RAD21L1: variants seen among roughly 807,000 people sequenced by gnomAD.
RAD21L1 encodes double-strand-break repair protein rad21-like protein 1.
Under a neutral mutation model 69.0 loss-of-function variants are expected in RAD21L1, and 47 were observed. The ratio of observed to expected loss-of-function variants is 0.68; its 90% CI spans 0.54 to 0.87. RAD21L1 has a LOEUF of 0.87. Among genes scored for constraint, RAD21L1 ranks in the 40% least tolerant of loss-of-function variants. RAD21L1 has a pLI of 0.00. For synonymous variants in RAD21L1, 177 were observed against 205.8 expected (o/e 0.86, Z 1.20); for missense variants, 583 against 647.6 (o/e 0.90, Z 1.08).
At position 1,246,691 on chromosome 20, in the gene RAD21L1, A is replaced by G. The variant is rs1454379139; in HGVS notation, c.1401+386A>G. 1.3e-5 allele frequency among the ~76,000 whole-genome samples: 2 copies of G among 152,148 alleles called. No individual in the cohort carries two copies. Among genetic ancestry groups the G allele is most frequent in the Admixed American group, 6.6e-5 (1 of 15,266 alleles). ...TTGAAATTTTATCTTATTTACAAAA[A>G]ACTTGTGGGCAATTTTTCCTTTAAC... On this transcript the variant is annotated intron_variant, in intron 12 of 13. Transcript: ENST00000683101. This position sits in a 1 kb window ranked among gnomAD's most constrained non-coding sequence, Gnocchi z 4.6.
intron 5 of RAD21L1, among the ~76,000 whole-genome samples, chr20:1,236,099 T>G (rs913304672): frequency 6.6e-6 from 1 of 152,148 alleles, no homozygotes; most frequent in Admixed American, 6.5e-5. Context: ...TTCTGTCAGC[T>G]TCATACTAGT....
rs73890809 is a variant in RAD21L1 at position 1,253,716 on chromosome 20, T to G, written c.1480-553T>G. Among the ~76,000 whole-genome samples the G allele has an allele frequency of 8.3e-3, 1,257 of 152,360 alleles. 15 individuals are homozygous for G. Among genetic ancestry groups the G allele is most frequent in the African/African-American group, 0.028 (1,182 of 41,582 alleles). The stretch of plus-strand genomic sequence containing the variant: ...ATTAAAATACTTTATTGTACCTCAG[T>G]TATTTTCAGTAGGTACACAGATGTC... On this transcript the variant is annotated intron_variant, in intron 13 of 13. Transcript: ENST00000683101.
At chr20:1,227,882 G>A (rs1410084240) in intron 1 of RAD21L1, among the ~76,000 whole-genome samples, 2 of 152,024 alleles carry the variant, frequency 1.3e-5, no homozygotes, top group Non-Finnish European at 2.9e-5. Context: ...ACTTTTTGGA[G>A]TCCCGTGATT....
At chr20:1,228,807 T>C (rs1166613558) in intron 2 of RAD21L1, among the ~76,000 whole-genome samples, 4 of 152,240 alleles carry the variant, frequency 2.6e-5, no homozygotes, top group Non-Finnish European at 5.9e-5. Flanking sequence ...ATAGATAGAT[T>C]GGACCCTAAG....
At chr20:1,232,739 A>G (rs1258417979) in intron 4 of RAD21L1, among the ~76,000 whole-genome samples, 2 of 152,210 alleles carry the variant, frequency 1.3e-5, no homozygotes, top group African/African-American at 4.8e-5. Context: ...GTCTAAATGC[A>G]TGTGTTCCCC....
At chr20:1,244,621 G>A (rs1245300158) in intron 11 of RAD21L1, among the ~76,000 whole-genome samples, 2 of 151,988 alleles carry the variant, frequency 1.3e-5, no homozygotes, top group East Asian at 1.9e-4. Flanking sequence ...ACTATCTAAA[G>A]ATCTATGACC....
At chr20:1,243,051 T>C (rs1418948574) in intron 9 of RAD21L1, 46 bp from the exon 10 acceptor site, 15 of 1,213,602 alleles carry the variant, frequency 1.2e-5, no homozygotes, top group Non-Finnish European at 1.7e-5. Flanking sequence ...CTTGAATTGC[T>C]TTGCTGGTAC....
chr20:1,241,363 G>A (rs938790978), intron 8 of RAD21L1, among the ~76,000 whole-genome samples: 1 of 152,202 alleles, frequency 6.6e-6, no homozygotes, highest in Admixed American at 6.5e-5. Context: ...GGGATAAGTA[G>A]TAAGTATGAA....
intron 13 of RAD21L1, among the ~76,000 whole-genome samples, chr20:1,253,153 G>T (rs527959794): frequency 1.3e-5 from 2 of 152,334 alleles, no homozygotes; most frequent in Admixed American, 6.5e-5. Flanking sequence ...TTAAGATAAA[G>T]TATGACAAAG....
intron 8 of RAD21L1, among the ~76,000 whole-genome samples, chr20:1,242,260 T>C (rs1418931993): frequency 6.6e-6 from 1 of 152,176 alleles, no homozygotes; most frequent in Non-Finnish European, 1.5e-5. Context: ...GGAGATAGGG[T>C]CTTGCTCTGT....
At chr20:1,236,232 C>A (rs2087493072) in intron 5 of RAD21L1, among the ~76,000 whole-genome samples, 1 of 152,186 alleles carries the variant, frequency 6.6e-6, no homozygotes, top group Admixed American at 6.5e-5. Context: ...GCAATACCCT[C>A]CTACAAATCT....
chr20:1,246,609 T>G lies in RAD21L1; in HGVS notation c.1401+304T>G, dbSNP rs1386288373. On this transcript the variant is annotated intron_variant, in intron 12 of 13. Transcript: ENST00000683101. This position sits in a 1 kb window ranked among gnomAD's most constrained non-coding sequence, Gnocchi z 4.6. ...AATGTTGAGAATCACTGTTTTAAATTATTGATATAACATCTCTAAAGAAAC... is the reference window on the plus strand; with the variant it reads ...AATGTTGAGAATCACTGTTTTAAATGATTGATATAACATCTCTAAAGAAAC... Among the ~76,000 whole-genome samples, 4 of 152,034 alleles carry G rather than the reference T, an allele frequency of 2.6e-5. No individual in the cohort carries two copies. Among genetic ancestry groups the G allele is most frequent in the South Asian group, 2.1e-4 (1 of 4,800 alleles).
At chr20:1,242,931 T>G in intron 9 of RAD21L1, 86 bp downstream of exon 9, 1 of 980,626 alleles carries the variant, frequency 1.0e-6, no homozygotes, top group South Asian at 1.6e-5. Context: ...TTTACATACA[T>G]ATATAACAGA....
Position 1,246,241 on chromosome 20 carries a change from C to T in RAD21L1, c.1337C>T (p.Ala446Val). ...ATTGTTGAAATGGTGTCTTTAGCTG[C>T]TGAGGAATCATCTTTAATGAATGAC... ...EDIVEMVSLA[A>V]EESSLMNDLF... Residue 446 changes from alanine (A) to valine (V), a missense_variant, in exon 12 of 14, where the codon GCT (alanine) becomes GTT (valine). Physicochemically the swap from Ala to Val is moderately conservative, Grantham distance 64. Transcript: ENST00000683101. This position sits in a 1 kb window ranked among gnomAD's most constrained non-coding sequence, Gnocchi z 4.6. The T allele has an allele frequency of 1.3e-6, 2 of 1,540,568 alleles. No individual in the cohort carries two copies. The highest frequency in any genetic ancestry group is 1.8e-6 in the Non-Finnish European group (2 of 1,142,622).
At position 1,240,429 on chromosome 20, in the gene RAD21L1, T is replaced by C. The variant is rs779597509; in HGVS notation, c.851T>C (p.Ile284Thr). ...GGATTTACCCTTGATCCAATTGATA[T>C]TTCAGGTCAGAGGCATTTACGGTTT... ...EEGFTLDPIDISDIAEKRKGK... is the reference protein window; with the variant it reads ...EEGFTLDPIDTSDIAEKRKGK... The change falls in exon 8 of 14, where the codon ATT becomes ACT. Residue 284 changes from isoleucine (I) to threonine (T), a missense_variant. Coordinates refer to ENST00000683101, the MANE Select transcript of RAD21L1 (RefSeq NM_001384355.1). 212 of 1,540,084 alleles carry C rather than the reference T, an allele frequency of 1.4e-4. No homozygotes were observed. Among genetic ancestry groups the C allele is most frequent in the Non-Finnish European group, 1.8e-4 (205 of 1,143,744 alleles).
At chr20:1,236,433 TC>T (rs1176824336) in intron 5 of RAD21L1, among the ~76,000 whole-genome samples, 1 of 152,238 alleles carries the variant, frequency 6.6e-6, no homozygotes, top group African/African-American at 2.4e-5. Context: ...TTTGTTTTAC[TC>T]TTAATGTGGA....
At chr20:1,236,637 G>A (rs2087500283) in intron 5 of RAD21L1, among the ~76,000 whole-genome samples, 1 of 152,142 alleles carries the variant, frequency 6.6e-6, no homozygotes, top group African/African-American at 2.4e-5. Flanking sequence ...TAACCTCTTT[G>A]AGCCTTACTG....
intron 3 of RAD21L1, chr20:1,230,652 G>T (rs2087370396): frequency 3.0e-6 from 1 of 338,964 alleles, no homozygotes; most frequent in South Asian, 1.2e-4. Flanking sequence ...TATAATATCT[G>T]TCTCAGTGCC....
At chr20:1,238,781 T>C (rs1424984878) in intron 6 of RAD21L1, among the ~76,000 whole-genome samples, 10 of 152,028 alleles carry the variant, frequency 6.6e-5, no homozygotes, top group Non-Finnish European at 4.4e-5. Context: ...AGAAATCGGG[T>C]AGAGAAAAAC....
Sources: gnomAD v4.1 joint callset for allele counts (sites outside exome capture counted in the v4.1 genomes callset) on GRCh38, gnomAD v4.1.1 for gene constraint, Gnocchi (gnomAD v3.1) non-coding constraint, MANE v1.5 for transcripts, NCBI Gene and HGNC (gene_info 2026-07-23, HGNC 2026-07-21) for gene names.